The following UBTF variants were observed in gnomAD, a reference collection of about 807,000 sequenced individuals.
The protein encoded by UBTF is upstream binding transcription factor, also known as nucleolar transcription factor 1.
A neutral mutation model predicts 112.3 loss-of-function variants in UBTF; 8 were observed. The observed-to-expected ratio is 0.07, with a 90% CI of 0.04 to 0.13. The LOEUF is 0.13. Ranked by LOEUF, UBTF falls within the 10% of genes least tolerant of loss-of-function variation. The probability of loss-of-function intolerance (pLI) is 1.00; values close to 1 mark genes in which losing one functional copy is unlikely to be tolerated. For synonymous variants in UBTF, 417 were observed against 373.1 expected, an observed-to-expected ratio of 1.12 and a Z score of -1.36; for missense variants, 457 against 982.1, an observed-to-expected ratio of 0.47 and a Z score of 7.15.
Position 44,211,817 on chromosome 17 carries a change from G to A in UBTF, c.905+56C>T. The A allele has an allele frequency of 6.2e-7, 1 of 1,601,792 alleles. No individual in the cohort carries two copies. Among genetic ancestry groups the A allele is most frequent in the Non-Finnish European group, 8.5e-7 (1 of 1,175,062 alleles). ...GGCAGCAGGCCTTCTCACCTGCAGAGCCCAGCCCAACTTCCCAGCTGCCCA... is the reference window on the plus strand; with the variant it reads ...GGCAGCAGGCCTTCTCACCTGCAGAACCCAGCCCAACTTCCCAGCTGCCCA... On this transcript the variant is annotated intron_variant, in intron 9 of 20. Transcript: ENST00000436088. This position sits in a 1 kb window ranked among gnomAD's most constrained non-coding sequence, Gnocchi z 4.9.
Position 44,207,681 on chromosome 17 carries a change from C to T in UBTF, c.2025+18G>A, listed in dbSNP as rs760585546. The T allele has an allele frequency of 6.2e-7, 1 of 1,614,200 alleles. No individual in the cohort carries two copies. Among genetic ancestry groups the T allele is most frequent in the Non-Finnish European group, 8.5e-7 (1 of 1,180,034 alleles). ...TGCCCCCCGCCCCACGCCCCTGCAT[C>T]TGGGAGGGGCTCCTTACCGACTTGG... On this transcript the variant is annotated intron_variant, in intron 19 of 20. Transcript: ENST00000436088.
Position 44,210,175 on chromosome 17 carries a change from C to T in UBTF, c.1575G>A (p.Lys525=), listed in dbSNP as rs1452310447. 15 of 1,614,118 alleles carry T rather than the reference C, an allele frequency of 9.3e-6. No homozygotes were observed. Among genetic ancestry groups the T allele is most frequent in the Non-Finnish European group, 1.3e-5 (15 of 1,180,054 alleles). The change falls in exon 15 of 21, where the codon AAG becomes AAA. Residue 525 remains lysine, a synonymous_variant. Coordinates refer to ENST00000436088, the MANE Select transcript of UBTF (RefSeq NM_014233.4). ...MEMTWNNMEK[K]EKLMWIKKAA... ...CCTTCTTAATCCACATCAGTTTCTC[C>T]TTCTTTTCCATGTTATTCCAGGTCA...
In UBTF at chr17:44,209,630, A is replaced by C; in HGVS notation, c.1715+15T>G. On this transcript the variant is annotated intron_variant, in intron 16 of 20. Coordinates refer to ENST00000436088, the MANE Select transcript of UBTF (RefSeq NM_014233.4). Reference sequence around the variant, plus strand: ...CTCCCCGACCTCCAGGGCAGACTCCAACCCCCAGGCTCACATGGGAGGCTT... The same window carrying C: ...CTCCCCGACCTCCAGGGCAGACTCCCACCCCCAGGCTCACATGGGAGGCTT... 6.2e-7 allele frequency: 1 copy of C among 1,614,146 alleles called. No homozygotes were observed. The highest frequency in any genetic ancestry group is 1.1e-5 in the South Asian group (1 of 91,080).
chr17:44,212,125 A>C, intron 8 of UBTF, 119 bp from the exon 9 acceptor site: 1 of 1,033,702 alleles, frequency 9.7e-7, no homozygotes, highest in Non-Finnish European at 1.4e-6. Context: ...GCTGCGCGTC[A>C]GTGGTGTCAC....
chr17:44,212,569 G>A (rs920772999), intron 7 of UBTF, 115 bp from the exon 8 acceptor site: 1 of 1,033,782 alleles, frequency 9.7e-7, no homozygotes, highest in East Asian at 2.5e-5. Flanking sequence ...TCACATCAGT[G>A]TCCCCCACAG....
intron 2 of UBTF, among the ~76,000 whole-genome samples, chr17:44,217,706 G>A (rs1387060650): frequency 6.6e-6 from 1 of 152,160 alleles, no homozygotes; most frequent in Non-Finnish European, 1.5e-5. Context: ...TGCTGAATGA[G>A]GCAGAGATCT....
intron 17 of UBTF, 83 bp from the exon 18 acceptor site, chr17:44,207,994 C>G: frequency 6.4e-7 from 1 of 1,573,916 alleles, no homozygotes; most frequent in South Asian, 1.1e-5. Flanking sequence ...AGGCAGTGGG[C>G]TGAGCATTTA....
chr17:44,210,589 T>C, intron 13 of UBTF, 116 bp from the exon 14 acceptor site: 5 of 1,405,468 alleles, frequency 3.6e-6, no homozygotes, highest in Non-Finnish European at 4.6e-6. Flanking sequence ...TGCAGATGTC[T>C]CCCGCCTGGG....
intron 7 of UBTF, 30 bp from the exon 8 acceptor site, chr17:44,212,484 A>C: frequency 3.0e-6 from 2 of 668,512 alleles, no homozygotes; most frequent in African/African-American, 2.2e-5. Context: ...AGACACGCAC[A>C]GGCAGCCAGG....
chr17:44,213,142 C>G, intron 6 of UBTF, 76 bp downstream of exon 6: 5 of 1,567,542 alleles, frequency 3.2e-6, no homozygotes, highest in Non-Finnish European at 3.5e-6. Flanking sequence ...ATGGCAAACT[C>G]AAGGCTCTGG....
In UBTF at chr17:44,205,428, A is replaced by C. The variant is rs942040872; in HGVS notation, c.*1814T>G. On this transcript the variant is annotated 3_prime_UTR_variant, in exon 21 of 21. Transcript: ENST00000436088. Reference sequence around the variant, plus strand: ...GAAACACAACAGTGTAGGGGCATCCAAATAGGAAACTGGGGTTCTTTGCAG... The same window carrying C: ...GAAACACAACAGTGTAGGGGCATCCCAATAGGAAACTGGGGTTCTTTGCAG... The C allele has an allele frequency of 2.6e-5, 4 of 152,518 alleles. No individual in the cohort carries two copies. The highest frequency in any genetic ancestry group is 9.6e-5 in the African/African-American group (4 of 41,470). 9.4% of individuals were successfully genotyped at this position (152,518 alleles called of 1,614,324 possible).
At position 44,207,900 on chromosome 17, in the gene UBTF, G is replaced by C. The variant is rs373594581; in HGVS notation, c.1917C>G (p.Pro639=). Residue 639 remains proline (P), a synonymous_variant, in exon 18 of 21, where the codon CCC becomes CCG. Transcript: ENST00000436088. The part of the protein sequence containing the change: ...HLDLWVKSLS[P]QDRAAYKEYI... ...ACTCTTTATATGCTGCACGGTCCTG[G>C]GGAGACAGGCTCTGGGGGAGACAGA... 3.7e-6 allele frequency: 6 copies of C among 1,613,732 alleles called. No homozygotes were observed. Among genetic ancestry groups the C allele is most frequent in the Middle Eastern group, 1.6e-4 (1 of 6,084 alleles).
chr17:44,209,882 C>T, intron 15 of UBTF, 149 bp from the exon 16 acceptor site: 1 of 889,260 alleles, frequency 1.1e-6, no homozygotes, highest in Non-Finnish European at 1.7e-6. Context: ...TTCCTAACAG[C>T]TCACGTCTGA....
Position 44,218,158 on chromosome 17 carries a change from G to T in UBTF, c.58+14C>A, listed in dbSNP as rs776081750. The T allele has an allele frequency of 6.2e-7, 1 of 1,611,994 alleles. No homozygotes were observed. Among genetic ancestry groups the T allele is most frequent in the South Asian group, 1.1e-5 (1 of 91,026 alleles). On this transcript the variant is annotated intron_variant, in intron 2 of 20. Transcript: ENST00000436088. ...GGGTTTAAGTTTCAGAGGGCCGGGG[G>T]TGGATGCCCCTACCTTGGCCTTTGG...
chr17:44,220,804 C>T (rs1471655750), upstream of UBTF: 2 of 152,120 alleles, frequency 1.3e-5, no homozygotes, highest in African/African-American at 2.4e-5. Context: ...ACAGTCGAGC[C>T]GCAGCTCCGC....
At position 44,210,295 on chromosome 17, in the gene UBTF, C is replaced by T. The variant is rs759632644; in HGVS notation, c.1515+23G>A. The T allele has an allele frequency of 1.6e-5, 26 of 1,614,144 alleles. No individual in the cohort carries two copies. In the South Asian group the frequency reaches 2.7e-4, roughly 17 times the overall value. ...TCACCCGGGGCTAGAGGCTGCAGTACTACCCTTTCCCACCCCTGTCACCTT... is the reference window on the plus strand; with the variant it reads ...TCACCCGGGGCTAGAGGCTGCAGTATTACCCTTTCCCACCCCTGTCACCTT... On this transcript the variant is annotated intron_variant, in intron 14 of 20. Transcript: ENST00000436088.
intron 3 of UBTF, 36 bp from the exon 4 acceptor site, chr17:44,216,025 G>C: frequency 6.4e-7 from 1 of 1,556,682 alleles, no homozygotes; most frequent in Non-Finnish European, 8.9e-7. Flanking sequence ...GGGAAGTTGG[G>C]AAAAGGAAAA....
At chr17:44,213,047 G>T in intron 6 of UBTF, 108 bp from the exon 7 acceptor site, 1 of 1,558,460 alleles carries the variant, frequency 6.4e-7, no homozygotes, top group South Asian at 1.2e-5. Flanking sequence ...GGGGCTCAGT[G>T]GGACGGTGGC....
chr17:44,215,953 C>T lies in UBTF; in HGVS notation c.271G>A (p.Asp91Asn). The change falls in exon 4 of 21, where the codon GAT (aspartate) becomes AAT (asparagine). Residue 91 changes from aspartate (D) to asparagine (N), a missense_variant. Asp to Asn is a conservative substitution (Grantham distance 23). Around this residue, in one of 7 missense-constraint regions of UBTF, gnomAD observed 26 missense variants for 132.9 expected, o/e 0.20. Transcript: ENST00000436088. Reference protein sequence around the residue: ...KFRTLTELILDAQEHVKNPYK... With the variant: ...KFRTLTELILNAQEHVKNPYK... ...GGATTTTTAACATGTTCCTGAGCAT[C>T]GAGGATCAATTCTGTCAATGTACGG... The T allele has an allele frequency of 6.2e-7, 1 of 1,614,012 alleles. No homozygotes were observed.
Sources: gnomAD v4.1 joint callset for allele counts (sites outside exome capture counted in the v4.1 genomes callset) on GRCh38, gnomAD v4.1.1 for gene constraint, gnomAD v4.1.1 regional missense constraint, Gnocchi (gnomAD v3.1) non-coding constraint, MANE v1.5 for transcripts, NCBI Gene and HGNC (gene_info 2026-07-23, HGNC 2026-07-21) for gene names.